Variants in ENTREP2 observed in about 807,000 individuals in gnomAD.
The protein encoded by ENTREP2 is endosomal transmembrane epsin interactor 2.
chr15:29,586,627 C>G, the ENTREP2 span, among the ~76,000 whole-genome samples: 1 of 151,736 alleles, frequency 6.6e-6, no homozygotes. Flanking sequence ...CGTGGTGGTG[C>G]ACACCCAGCT....
At chr15:29,130,534 G>C in the ENTREP2 span, among the ~76,000 whole-genome samples, 2 of 152,120 alleles carry the variant, frequency 1.3e-5, no homozygotes, top group African/African-American at 2.4e-5. Flanking sequence ...CTGTCTAAAA[G>C]AAAATCTTCT....
chr15:29,416,623 C>G, the ENTREP2 span, among the ~76,000 whole-genome samples: 14 of 152,050 alleles, frequency 9.2e-5, no homozygotes, highest in Non-Finnish European at 2.9e-5. Flanking sequence ...AAAGCAATGG[C>G]AACAAAAGCC....
the ENTREP2 span, among the ~76,000 whole-genome samples, chr15:29,503,735 T>C: frequency 6.6e-6 from 1 of 152,216 alleles, no homozygotes; most frequent in African/African-American, 2.4e-5. Flanking sequence ...AGACAATTAA[T>C]GAATATGCAG....
the ENTREP2 span, among the ~76,000 whole-genome samples, chr15:29,125,487 G>A: frequency 6.6e-6 from 1 of 152,138 alleles, no homozygotes; most frequent in Admixed American, 6.5e-5. Flanking sequence ...CTCGGTTCCG[G>A]GCTCCAGTAG....
At chr15:29,239,816 A>T in the ENTREP2 span, among the ~76,000 whole-genome samples, 1 of 152,240 alleles carries the variant, frequency 6.6e-6, no homozygotes, top group African/African-American at 2.4e-5. Flanking sequence ...CACTTCGTAC[A>T]AAACTACACA....
the ENTREP2 span, among the ~76,000 whole-genome samples, chr15:29,652,631 C>A: frequency 1.3e-5 from 2 of 152,296 alleles, no homozygotes; most frequent in Non-Finnish European, 1.5e-5. Context: ...AGCTTCCAGG[C>A]ACTACTGCAT....
the ENTREP2 span, among the ~76,000 whole-genome samples, chr15:29,429,524 A>G: frequency 6.6e-6 from 1 of 152,188 alleles, no homozygotes; most frequent in South Asian, 2.1e-4. Context: ...GCCAGCCAAT[A>G]TTTAATTTTT....
the ENTREP2 span, among the ~76,000 whole-genome samples, chr15:29,658,887 A>G: frequency 2.5e-3 from 374 of 152,350 alleles, 1 homozygote; most frequent in Middle Eastern, 3.4e-3. Flanking sequence ...AACTTTGAGC[A>G]ATACACTAGC....
chr15:29,655,878 A>C, the ENTREP2 span, among the ~76,000 whole-genome samples: 23 of 152,248 alleles, frequency 1.5e-4, no homozygotes, highest in African/African-American at 4.8e-4. Context: ...TGCAAAAATT[A>C]GCTGGGTGCA....
the ENTREP2 span, among the ~76,000 whole-genome samples, chr15:29,323,091 G>A: frequency 3.3e-5 from 5 of 152,164 alleles, no homozygotes; most frequent in Non-Finnish European, 5.9e-5. Context: ...TGAAATATTT[G>A]GTCTTGACCT....
the ENTREP2 span, chr15:29,381,665 C>G: frequency 3.5e-6 from 3 of 853,878 alleles, no homozygotes; most frequent in East Asian, 8.0e-5. Flanking sequence ...CTCTGCTTCC[C>G]GCTGCCTGAA....
chr15:29,148,529 A>G, the ENTREP2 span, among the ~76,000 whole-genome samples: 3 of 152,126 alleles, frequency 2.0e-5, no homozygotes, highest in Non-Finnish European at 2.9e-5. Flanking sequence ...TACTTCTAAC[A>G]CCTAATACAA....
the ENTREP2 span, among the ~76,000 whole-genome samples, chr15:29,462,437 C>T: frequency 0.054 from 8,164 of 151,866 alleles, 660 homozygotes; most frequent in African/African-American, 0.17. Context: ...GGTGAAACCC[C>T]GTTTCTACTA....
the ENTREP2 span, among the ~76,000 whole-genome samples, chr15:29,445,801 AT>A: frequency 1.3e-5 from 2 of 152,206 alleles, no homozygotes; most frequent in Non-Finnish European, 2.9e-5. Flanking sequence ...AGAGGTACAG[AT>A]CACAACCTGG....
At chr15:29,496,320 A>C in the ENTREP2 span, among the ~76,000 whole-genome samples, 1 of 151,920 alleles carries the variant, frequency 6.6e-6, no homozygotes, top group Non-Finnish European at 1.5e-5. Context: ...TTTCTATTAC[A>C]AGATCACATC....
At chr15:29,493,656 T>C in the ENTREP2 span, among the ~76,000 whole-genome samples, 4,953 of 150,572 alleles carry the variant, frequency 0.033, 97 homozygotes, top group Middle Eastern at 0.088. Context: ...AAACAGAATA[T>C]AGATAGATAG....
the ENTREP2 span, among the ~76,000 whole-genome samples, chr15:29,225,115 T>C: frequency 0.34 from 51,479 of 152,028 alleles, 9,878 homozygotes; most frequent in East Asian, 0.6. Flanking sequence ...CCCCGGTTCC[T>C]GCTCACGCCT....
the ENTREP2 span, among the ~76,000 whole-genome samples, chr15:29,529,334 C>G: frequency 8.2e-5 from 12 of 147,088 alleles, no homozygotes; most frequent in Admixed American, 6.9e-4. Flanking sequence ...AGTATCTTCT[C>G]TATGAAGTCA....
At chr15:29,643,187 A>G in the ENTREP2 span, among the ~76,000 whole-genome samples, 1 of 152,322 alleles carries the variant, frequency 6.6e-6, no homozygotes, top group South Asian at 2.1e-4. Context: ...CTAAAACTAA[A>G]ATTTCTGTAT....
Sources: gnomAD v4.1 joint callset for allele counts (sites outside exome capture counted in the v4.1 genomes callset) on GRCh38, gnomAD v4.1.1 for gene constraint, MANE v1.5 for transcripts, NCBI Gene and HGNC (gene_info 2026-07-23, HGNC 2026-07-21) for gene names.